Variants in C12orf54 observed in about 807,000 individuals in gnomAD.
The protein encoded by C12orf54 is uncharacterized protein C12orf54.
In C12orf54, 24 loss-of-function variants were observed where a neutral mutation model predicts 26.4. That is an observed-to-expected ratio of 0.91 (90% CI 0.66 to 1.28). C12orf54 has a LOEUF of 1.28. Ranked by LOEUF, C12orf54 falls within the 50% of genes most tolerant of loss-of-function variation. The pLI is 0.00. For synonymous variants in C12orf54, 54 were observed against 47.0 expected, an observed-to-expected ratio of 1.15 and a Z score of -0.61; for missense variants, 154 against 150.9, an observed-to-expected ratio of 1.02 and a Z score of -0.11.
chr12:48,496,219 A>C lies in C12orf54; in HGVS notation c.*79A>C, dbSNP rs1937910006. 6.6e-6 allele frequency: 1 copy of C among 152,574 alleles called. No individual in the cohort carries two copies. The highest frequency in any genetic ancestry group is 2.4e-5 in the African/African-American group (1 of 41,462). The allele number at this position is 152,574 out of a possible 1,614,324, so 9.5% of individuals were successfully genotyped here. A position where few individuals can be genotyped will look rare whatever the true frequency, so the allele number is the denominator to read the frequency against. On this transcript the variant is annotated 3_prime_UTR_variant, in exon 9 of 9. Transcript: ENST00000548364. ...GGGGAAGATATTAGCAGACATCATCACTGAACCCAGAAGAGAGGGTGGTGC... is the reference window on the plus strand; with the variant it reads ...GGGGAAGATATTAGCAGACATCATCCCTGAACCCAGAAGAGAGGGTGGTGC...
At chr12:48,489,990 G>C (rs1192649494) in intron 5 of C12orf54, among the ~76,000 whole-genome samples, 1 of 152,070 alleles carries the variant, frequency 6.6e-6, no homozygotes, top group African/African-American at 2.4e-5. Flanking sequence ...CCAAAGTGCT[G>C]GGATTACAGA....
chr12:48,438,250 A>G, the C12orf54 span, among the ~76,000 whole-genome samples: 1 of 152,328 alleles, frequency 6.6e-6, no homozygotes, highest in African/African-American at 2.4e-5. Flanking sequence ...AATGAAATAA[A>G]AGAGGATACA....
the C12orf54 span, among the ~76,000 whole-genome samples, chr12:48,440,153 A>G: frequency 6.6e-6 from 1 of 151,926 alleles, no homozygotes; most frequent in African/African-American, 2.4e-5. Flanking sequence ...TGAACCTGGG[A>G]GGCGGAGGTT....
chr12:48,439,762 G>A, the C12orf54 span, among the ~76,000 whole-genome samples: 44 of 152,190 alleles, frequency 2.9e-4, no homozygotes, highest in Middle Eastern at 3.4e-3. Context: ...TGGTGGGAGT[G>A]GGGAGGGATA....
the C12orf54 span, among the ~76,000 whole-genome samples, chr12:48,428,716 T>A: frequency 6.6e-6 from 1 of 152,114 alleles, no homozygotes; most frequent in African/African-American, 2.4e-5. Flanking sequence ...CCAGGCAGAA[T>A]CACAGTGGAA....
At chr12:48,450,976 A>C in the C12orf54 span, among the ~76,000 whole-genome samples, 40 of 152,292 alleles carry the variant, frequency 2.6e-4, no homozygotes, top group African/African-American at 9.4e-4. Flanking sequence ...AGCTCATTCT[A>C]TGAGGCCAGC....
At chr12:48,471,081 T>C in the C12orf54 span, among the ~76,000 whole-genome samples, 22,438 of 152,076 alleles carry the variant, frequency 0.15, 2,884 homozygotes, top group East Asian at 0.66. Context: ...TATTTTTTTG[T>C]ACCCATTAAC....
At chr12:48,430,726 G>A in the C12orf54 span, among the ~76,000 whole-genome samples, 7 of 152,250 alleles carry the variant, frequency 4.6e-5, no homozygotes, top group South Asian at 6.2e-4. Flanking sequence ...CAGCCAAGAC[G>A]GAAACAGTGT....
intron 6 of C12orf54, among the ~76,000 whole-genome samples, chr12:48,491,482 A>T (rs772882254): frequency 2.1e-4 from 32 of 152,220 alleles, no homozygotes; most frequent in Non-Finnish European, 3.4e-4. Context: ...CAGCACGTGG[A>T]CAGGGATGGA....
chr12:48,426,067 G>A, the C12orf54 span, among the ~76,000 whole-genome samples: 19 of 151,756 alleles, frequency 1.3e-4, no homozygotes, highest in South Asian at 3.1e-3. Context: ...TTATTTCGCC[G>A]TGCAGAAGTT....
chr12:48,438,649 T>C, the C12orf54 span, among the ~76,000 whole-genome samples: 3 of 152,244 alleles, frequency 2.0e-5, no homozygotes, highest in Non-Finnish European at 4.4e-5. Context: ...AAACAAGCAA[T>C]GGGGAAAGGA....
the C12orf54 span, among the ~76,000 whole-genome samples, chr12:48,447,966 G>T: frequency 6.6e-6 from 1 of 152,290 alleles, no homozygotes; most frequent in South Asian, 2.1e-4. Flanking sequence ...CAGAATGCAT[G>T]AGAAGTAATG....
At chr12:48,469,097 G>A in the C12orf54 span, among the ~76,000 whole-genome samples, 1 of 152,170 alleles carries the variant, frequency 6.6e-6, no homozygotes, top group African/African-American at 2.4e-5. Flanking sequence ...TTACTAATGA[G>A]GTTTCATGTC....
the C12orf54 span, among the ~76,000 whole-genome samples, chr12:48,457,185 G>C: frequency 6.6e-6 from 1 of 152,106 alleles, no homozygotes; most frequent in Non-Finnish European, 1.5e-5. Flanking sequence ...GGGTGGTATA[G>C]AGTGAGAGGT....
At chr12:48,489,821 C>T (rs1306126702) in intron 5 of C12orf54, among the ~76,000 whole-genome samples, 1 of 151,742 alleles carries the variant, frequency 6.6e-6, no homozygotes, top group Non-Finnish European at 1.5e-5. Flanking sequence ...TCCCGAGTTC[C>T]AGTGATTCTC....
chr12:48,478,607 GAC>G (rs762358288), upstream of C12orf54, among the ~76,000 whole-genome samples: 54 of 152,120 alleles, frequency 3.5e-4, no homozygotes, highest in Non-Finnish European at 2.1e-4. Flanking sequence ...ACCAATAACA[GAC>G]AAACAGAGAG....
chr12:48,454,303 G>C, the C12orf54 span, among the ~76,000 whole-genome samples: 1 of 151,976 alleles, frequency 6.6e-6, no homozygotes, highest in Non-Finnish European at 1.5e-5. Context: ...GTTTCACCAT[G>C]TTGGCCAGGA....
In C12orf54 at chr12:48,483,223, C is replaced by T; in HGVS notation, c.-57-17C>T. The T allele has an allele frequency of 7.4e-7, 1 of 1,350,846 alleles. No individual in the cohort carries two copies. The highest frequency in any genetic ancestry group is 1.4e-5 in the African/African-American group (1 of 69,758). The allele number at this position is 1,350,846 out of a possible 1,614,324, so 83.7% of individuals were successfully genotyped here. A position where few individuals can be genotyped will look rare whatever the true frequency, so the allele number is the denominator to read the frequency against. ...CATGTACCTGCCTTCTCCGCATATT[C>T]ATTTATGCCTCTCCAGGGCCTGGAG... On this transcript the variant is annotated splice_polypyrimidine_tract_variant and intron_variant, in intron 1 of 8. Transcript: ENST00000548364.
At chr12:48,486,119 G>A (rs1055105144) in intron 2 of C12orf54, 59 bp from the exon 3 acceptor site, 3 of 1,490,372 alleles carry the variant, frequency 2.0e-6, no homozygotes, top group African/African-American at 2.7e-5. Flanking sequence ...AGAGTTAGGA[G>A]AAGGCTTTAG....
Sources: allele counts gnomAD v4.1 joint callset (sites outside exome capture counted in the v4.1 genomes callset), GRCh38; gene constraint gnomAD v4.1.1; transcripts MANE v1.5; gene names NCBI Gene and HGNC (gene_info 2026-07-23, HGNC 2026-07-21).